LNX2: variants seen among roughly 807,000 people sequenced by gnomAD.
The protein encoded by LNX2 is ligand of Numb protein X 2.
A neutral mutation model predicts 66.2 loss-of-function variants in LNX2; 35 were observed. The ratio of observed to expected loss-of-function variants is 0.53; its 90% CI spans 0.40 to 0.70. The LOEUF (loss-of-function observed/expected upper bound fraction) is 0.70, where lower values mean the gene tolerates loss of function less well. LNX2 is among the 30% of genes least tolerant of loss of function. The pLI, the probability that LNX2 is intolerant of heterozygous loss-of-function variation, is 0.00. For missense variants in LNX2, 791 were observed against 850.8 expected (o/e 0.93, Z 0.87); for synonymous variants, 337 against 315.6 (o/e 1.07, Z -0.72).
intron 8 of LNX2, among the ~76,000 whole-genome samples, chr13:27,552,304 G>T (rs1593237083): frequency 6.6e-6 from 1 of 152,190 alleles, no homozygotes; most frequent in Non-Finnish European, 1.5e-5. Context: ...GCAACGTGCT[G>T]CCCAGCCACT....
intron 1 of LNX2, among the ~76,000 whole-genome samples, chr13:27,599,115 T>C (rs1383533877): frequency 6.6e-6 from 1 of 152,170 alleles, no homozygotes; most frequent in African/African-American, 2.4e-5. Context: ...CAAAATCAAT[T>C]TGAATGAACA....
At chr13:27,614,068 C>A (rs1234190346) in intron 1 of LNX2, among the ~76,000 whole-genome samples, 1 of 152,242 alleles carries the variant, frequency 6.6e-6, no homozygotes, top group African/African-American at 2.4e-5. Context: ...AGCTTTCAAG[C>A]TGCCCTTAAT....
chr13:27,560,979 C>T (rs1327127649), intron 5 of LNX2, among the ~76,000 whole-genome samples: 1 of 152,038 alleles, frequency 6.6e-6, no homozygotes, highest in Non-Finnish European at 1.5e-5. Context: ...TATTGGTCTC[C>T]TTTTAAGACA....
chr13:27,562,561 G>A lies in LNX2; in HGVS notation c.1076C>T (p.Thr359Ile). 1.2e-6 allele frequency: 2 copies of A among 1,614,144 alleles called. No individual in the cohort carries two copies. The highest frequency in any genetic ancestry group is 8.5e-7 in the Non-Finnish European group (1 of 1,180,018). ...AAGAATAAAAACCCCTGGCTCATCTGTCCTTCGCACCAATTTAATGCCAAG... is the reference window on the plus strand; with the variant it reads ...AAGAATAAAAACCCCTGGCTCATCTATCCTTCGCACCAATTTAATGCCAAG... ...EQLGIKLVRR[T>I]DEPGVFILDL... is the part of the protein sequence containing the mutation. Residue 359 changes from threonine to isoleucine, a missense_variant, in exon 5 of 10, where the codon ACA becomes ATA. By Grantham distance (89) the Thr-to-Ile change is moderately conservative. Coordinates refer to ENST00000316334, the MANE Select transcript of LNX2 (RefSeq NM_153371.4).
chr13:27,574,681 T>C (rs1332255237), intron 2 of LNX2, among the ~76,000 whole-genome samples: 1 of 152,016 alleles, frequency 6.6e-6, no homozygotes, highest in African/African-American at 2.4e-5. Context: ...CCAAATTTGA[T>C]GAAAAACATT....
intron 1 of LNX2, among the ~76,000 whole-genome samples, chr13:27,592,271 G>C (rs946602286): frequency 3.3e-5 from 5 of 152,136 alleles, no homozygotes; most frequent in Non-Finnish European, 7.3e-5. Flanking sequence ...GAGATAGAGA[G>C]AAATTACTCA....
At chr13:27,560,565 G>GTGTGTGTATATA (rs35007288) in intron 5 of LNX2, among the ~76,000 whole-genome samples, 5 of 120,014 alleles carry the variant, frequency 4.2e-5, no homozygotes, top group African/African-American at 1.3e-4. Flanking sequence ...ATGTATGTGT[G>GTGTGTGTATATA]TATATATATA....
chr13:27,611,414 A>T (rs892786253), intron 1 of LNX2, among the ~76,000 whole-genome samples: 1 of 152,206 alleles, frequency 6.6e-6, no homozygotes, highest in African/African-American at 2.4e-5. Context: ...AAATTCTAAA[A>T]AGTAGAAGAG....
chr13:27,580,194 G>A (rs541142450), intron 2 of LNX2, among the ~76,000 whole-genome samples: 10 of 152,054 alleles, frequency 6.6e-5, no homozygotes, highest in African/African-American at 2.2e-4. Context: ...CTTGACCTAC[G>A]ATAGAGTCAA....
At chr13:27,593,563 C>CGTTT in intron 1 of LNX2, among the ~76,000 whole-genome samples, 1 of 115,564 alleles carries the variant, frequency 8.7e-6, no homozygotes, top group African/African-American at 3.1e-5. Flanking sequence ...CTGGCTGAAA[C>CGTTT]TTTTTTTTTT....
At chr13:27,613,712 G>A (rs1476575566) in intron 1 of LNX2, among the ~76,000 whole-genome samples, 2 of 152,184 alleles carry the variant, frequency 1.3e-5, no homozygotes, top group East Asian at 3.9e-4. Context: ...AGGTTGCCAT[G>A]AGCCGAGACT....
At chr13:27,591,235 A>G (rs1445725306) in intron 1 of LNX2, among the ~76,000 whole-genome samples, 1 of 152,238 alleles carries the variant, frequency 6.6e-6, no homozygotes, top group Non-Finnish European at 1.5e-5. Flanking sequence ...AGAAAACTTA[A>G]AAGAAAGAAA....
At chr13:27,584,648 T>C (rs954821829) in intron 1 of LNX2, among the ~76,000 whole-genome samples, 2 of 152,128 alleles carry the variant, frequency 1.3e-5, no homozygotes, top group Non-Finnish European at 2.9e-5. Flanking sequence ...CTTGCACCAC[T>C]GCACTCCAGC....
At chr13:27,574,107 A>C (rs1250579712) in intron 2 of LNX2, among the ~76,000 whole-genome samples, 1 of 152,238 alleles carries the variant, frequency 6.6e-6, no homozygotes. Context: ...TCAATAAAGA[A>C]ACATTAAGTC....
chr13:27,550,453 C>T lies in LNX2; in HGVS notation c.1817G>A (p.Ser606Asn). ...ACTAAAGCCCCAACTTCCCAAGTAACTTCTTCGTAAAACTATATCGTGGCA... is the reference window on the plus strand; with the variant it reads ...ACTAAAGCCCCAACTTCCCAAGTAATTTCTTCGTAAAACTATATCGTGGCA... ...HSCHDIVLRR[S>N]YLGSWGFSIV... The change falls in exon 9 of 10, where the codon AGT (serine) becomes AAT (asparagine). Residue 606 changes from serine to asparagine, a missense_variant. Physicochemically the swap from Ser to Asn is conservative, Grantham distance 46. Coordinates refer to ENST00000316334, the MANE Select transcript of LNX2 (RefSeq NM_153371.4). 2 of 1,614,034 alleles carry T rather than the reference C, an allele frequency of 1.2e-6. No homozygotes were observed. The highest frequency in any genetic ancestry group is 1.7e-6 in the Non-Finnish European group (2 of 1,179,956).
At chr13:27,613,853 T>C (rs1955799604) in intron 1 of LNX2, among the ~76,000 whole-genome samples, 1 of 152,240 alleles carries the variant, frequency 6.6e-6, no homozygotes, top group Admixed American at 6.5e-5. Context: ...TGAATGTCTT[T>C]TAAGATTTTA....
At chr13:27,604,170 C>T (rs963859729) in intron 1 of LNX2, among the ~76,000 whole-genome samples, 42 of 152,300 alleles carry the variant, frequency 2.8e-4, no homozygotes, top group African/African-American at 8.9e-4. Flanking sequence ...GGCGTGAACC[C>T]GGGAGGTGGA....
rs542793165 is a variant in LNX2, at chr13:27,576,163, CCAAA to C, written c.407+5130_407+5133del. On this transcript the variant is annotated intron_variant, in intron 2 of 9. Coordinates refer to ENST00000316334, the MANE Select transcript of LNX2 (RefSeq NM_153371.4). ...ATGACAATTATAAACAGAAATTGTA[CCAAA>C]CAATGGCCCCAAAATACGTAAGTAA... Among the ~76,000 whole-genome samples, 7 of 152,112 alleles carry C rather than the reference CCAAA, an allele frequency of 4.6e-5. No individual in the cohort carries two copies. The South Asian group carries it at 8.3e-4, about 18-fold the overall frequency.
chr13:27,553,425 T>A lies in LNX2; in HGVS notation c.1561A>T (p.Asn521Tyr). 1.2e-6 allele frequency: 2 copies of A among 1,613,724 alleles called. No homozygotes were observed. The highest frequency in any genetic ancestry group is 2.2e-5 in the South Asian group (2 of 91,068). The change falls in exon 8 of 10, where the codon AAT becomes TAT. Residue 521 changes from asparagine to tyrosine, a missense_variant. Coordinates refer to ENST00000316334, the MANE Select transcript of LNX2 (RefSeq NM_153371.4). ...GRIKRGDVLL[N>Y]INGIDLTNLS... ...TTGGTCAAATCAATGCCGTTGATATTTAGCAACACATCACCTGTTCAGATG... is the reference window on the plus strand; with the variant it reads ...TTGGTCAAATCAATGCCGTTGATATATAGCAACACATCACCTGTTCAGATG...
Sources: allele counts gnomAD v4.1 joint callset (sites outside exome capture counted in the v4.1 genomes callset), GRCh38; gene constraint gnomAD v4.1.1; transcripts MANE v1.5; gene names NCBI Gene and HGNC (gene_info 2026-07-23, HGNC 2026-07-21).